The following RAP1A variants were observed in gnomAD, a reference collection of about 807,000 sequenced individuals.
The protein encoded by RAP1A is RAP1A, member of RAS oncogene family.
RAP1A carries 6 observed loss-of-function variants against 26.4 expected under a neutral mutation model. The ratio of observed to expected loss-of-function variants is 0.23; its 90% CI spans 0.12 to 0.45. RAP1A has a LOEUF of 0.45. RAP1A is among the 20% of genes least tolerant of loss of function. The pLI, the probability that RAP1A is intolerant of heterozygous loss-of-function variation, is 0.99. For synonymous variants in RAP1A, 73 were observed against 79.4 expected, an observed-to-expected ratio of 0.92 and a Z score of 0.43; for missense variants, 121 against 217.2, an observed-to-expected ratio of 0.56 and a Z score of 2.78.
At chr1:111,629,388 C>G (rs1002646893) in intron 1 of RAP1A, among the ~76,000 whole-genome samples, 3 of 152,028 alleles carry the variant, frequency 2.0e-5, no homozygotes, top group Non-Finnish European at 4.4e-5. Context: ...GCAAGTTAGC[C>G]AGAGATTGAT....
chr1:111,652,141 T>C (rs1395322601), intron 1 of RAP1A, among the ~76,000 whole-genome samples: 1 of 152,120 alleles, frequency 6.6e-6, no homozygotes, highest in Non-Finnish European at 1.5e-5. Flanking sequence ...GCCCAGCTAA[T>C]GTTTGTATTT....
At chr1:111,599,098 C>T (rs933555465) in intron 1 of RAP1A, among the ~76,000 whole-genome samples, 3 of 152,156 alleles carry the variant, frequency 2.0e-5, no homozygotes, top group Non-Finnish European at 4.4e-5. Context: ...TAGGAGCCTC[C>T]AGATATTCAG....
At chr1:111,708,565 T>C (rs1662271968) in intron 6 of RAP1A, among the ~76,000 whole-genome samples, 1 of 152,228 alleles carries the variant, frequency 6.6e-6, no homozygotes, top group African/African-American at 2.4e-5. Flanking sequence ...AAAGTTACTA[T>C]AAAGTACATT....
intron 1 of RAP1A, among the ~76,000 whole-genome samples, chr1:111,606,155 T>C (rs1658770441): frequency 6.6e-6 from 1 of 152,166 alleles, no homozygotes; most frequent in South Asian, 2.1e-4. Context: ...AGGGTGATCA[T>C]CTTTAACCCT....
rs1466444021 is a variant in RAP1A at position 111,716,214 on chromosome 1, T to A, written c.*3813T>A. 6.6e-6 allele frequency: 1 copy of A among 152,234 alleles called. No homozygotes were observed. Among genetic ancestry groups the A allele is most frequent in the Non-Finnish European group, 1.5e-5 (1 of 68,034 alleles). The allele number at this position is 152,234 out of a possible 1,614,324, so 9.4% of individuals were successfully genotyped here. ...GTGGTTTGGATTCTTGTCCAGGGTC[T>A]GGAAAGAGCTCATCTTGCCGAGAGG... On this transcript the variant is annotated 3_prime_UTR_variant, in exon 8 of 8. Coordinates refer to ENST00000369709, the MANE Select transcript of RAP1A (RefSeq NM_002884.4).
At chr1:111,647,145 G>A (rs1055896982) in intron 1 of RAP1A, among the ~76,000 whole-genome samples, 1 of 152,168 alleles carries the variant, frequency 6.6e-6, no homozygotes, top group Non-Finnish European at 1.5e-5. Flanking sequence ...CCTGAGCCCC[G>A]CCTCTTATCA....
At chr1:111,709,407 T>C (rs1270373172) in intron 7 of RAP1A, 143 bp downstream of exon 7, 2 of 968,704 alleles carry the variant, frequency 2.1e-6, no homozygotes, top group Non-Finnish European at 2.8e-6. Context: ...TGTAGGTACG[T>C]CATCTGTTGG....
At chr1:111,586,847 TC>T (rs1437726753) in intron 1 of RAP1A, among the ~76,000 whole-genome samples, 2 of 152,164 alleles carry the variant, frequency 1.3e-5, no homozygotes, top group Non-Finnish European at 2.9e-5. Context: ...TGCACTGCAG[TC>T]TTGAATCACC....
Position 111,619,909 on chromosome 1 carries a change from G to C in RAP1A, c.-53G>C, listed in dbSNP as rs1659127775. On this transcript the variant is annotated 5_prime_UTR_variant, in exon 1 of 8. Coordinates refer to ENST00000369709, the MANE Select transcript of RAP1A (RefSeq NM_002884.4). ...AGGAGGAGGTGGAGGAGGTGGAGGA[G>C]GTGGAGGAGGCGCCGGACCGGGGGG... 1 of 399,102 alleles carries C rather than the reference G, an allele frequency of 2.5e-6. No individual in the cohort carries two copies. Among genetic ancestry groups the C allele is most frequent in the Admixed American group, 4.4e-5 (1 of 22,716 alleles). The allele number at this position is 399,102 out of a possible 1,614,324, so 24.7% of individuals were successfully genotyped here.
intron 1 of RAP1A, among the ~76,000 whole-genome samples, chr1:111,606,148 G>A (rs1314830114): frequency 6.6e-6 from 1 of 152,154 alleles, no homozygotes; most frequent in Non-Finnish European, 1.5e-5. Flanking sequence ...GACCTGAAGG[G>A]TGATCATCTT....
Position 111,619,928 on chromosome 1 carries a change from C to T in RAP1A, c.-34C>T, listed in dbSNP as rs1209084514. 3.3e-6 allele frequency: 1 copy of T among 299,946 alleles called. No homozygotes were observed. Among genetic ancestry groups the T allele is most frequent in the Non-Finnish European group, 5.7e-6 (1 of 174,206 alleles). 18.6% of individuals were successfully genotyped at this position (299,946 alleles called of 1,614,324 possible). On this transcript the variant is annotated 5_prime_UTR_variant, in exon 1 of 8. Coordinates refer to ENST00000369709, the MANE Select transcript of RAP1A (RefSeq NM_002884.4). ...GGAGGAGGTGGAGGAGGCGCCGGACCGGGGGGGTGAGTAAGGGGCGGGGAG... is the reference window on the plus strand; with the variant it reads ...GGAGGAGGTGGAGGAGGCGCCGGACTGGGGGGGTGAGTAAGGGGCGGGGAG...
intron 1 of RAP1A, among the ~76,000 whole-genome samples, chr1:111,637,196 TTAA>T (rs1659752736): frequency 1.3e-5 from 2 of 152,252 alleles, no homozygotes; most frequent in South Asian, 2.1e-4. Flanking sequence ...CATTTTATAG[TTAA>T]TAATGAAAAT....
chr1:111,709,251 C>G lies in RAP1A; in HGVS notation c.*16C>G. The G allele has an allele frequency of 3.8e-6, 6 of 1,591,960 alleles. No individual in the cohort carries two copies. The highest frequency in any genetic ancestry group is 5.1e-6 in the Non-Finnish European group (6 of 1,173,812). ...GCTGCTCTAGGCCCATAGTCAGCAG[C>G]AGCTCTGAGCCAGGTAAGATGCTAA... On this transcript the variant is annotated 3_prime_UTR_variant, in exon 7 of 8. Transcript: ENST00000369709.
chr1:111,559,954 T>C (rs1411638817), intron 1 of RAP1A, among the ~76,000 whole-genome samples: 2 of 152,194 alleles, frequency 1.3e-5, no homozygotes, highest in South Asian at 2.1e-4. Context: ...TTAGCACTTA[T>C]CAGTTGTCCT....
At chr1:111,582,075 C>T (rs1208132523) in intron 1 of RAP1A, among the ~76,000 whole-genome samples, 1 of 152,152 alleles carries the variant, frequency 6.6e-6, no homozygotes, top group Non-Finnish European at 1.5e-5. Context: ...TTCCATTGTA[C>T]TATGCTGTCT....
intron 1 of RAP1A, among the ~76,000 whole-genome samples, chr1:111,594,567 G>GGGAA (rs199741781): frequency 0.52 from 73,774 of 141,330 alleles, 19,983 homozygotes; most frequent in South Asian, 0.64. Flanking sequence ...AAAGGAGGGA[G>GGGAA]GGAAGGAAGG....
intron 6 of RAP1A, among the ~76,000 whole-genome samples, chr1:111,708,100 TG>T (rs1662254042): frequency 6.6e-6 from 1 of 152,158 alleles, no homozygotes; most frequent in Non-Finnish European, 1.5e-5. Flanking sequence ...CACTTGAGCC[TG>T]GGAAGTGGAA....
intron 1 of RAP1A, among the ~76,000 whole-genome samples, chr1:111,603,724 G>A (rs572969793): frequency 4.6e-5 from 7 of 152,192 alleles, no homozygotes; most frequent in Non-Finnish European, 8.8e-5. Context: ...AAAAAATGAC[G>A]AACATCTTTT....
chr1:111,578,562 T>G, intron 1 of RAP1A, among the ~76,000 whole-genome samples: 1 of 151,880 alleles, frequency 6.6e-6, no homozygotes, highest in Non-Finnish European at 1.5e-5. Flanking sequence ...TGTACTGGAG[T>G]GAGTTTTCCA....
Sources: allele counts gnomAD v4.1 joint callset (sites outside exome capture counted in the v4.1 genomes callset), GRCh38; gene constraint gnomAD v4.1.1; transcripts MANE v1.5; gene names NCBI Gene and HGNC (gene_info 2026-07-23, HGNC 2026-07-21).